Variants in DRC8 observed in about 807,000 individuals in gnomAD.
DRC8 encodes dynein regulatory complex subunit 8.
At chr1:245,046,031 G>A in the DRC8 span, among the ~76,000 whole-genome samples, 26 of 152,212 alleles carry the variant, frequency 1.7e-4, no homozygotes, top group African/African-American at 5.8e-4. Context: ...AGACCCTATT[G>A]CCCTGCCTCA....
chr1:245,050,718 A>T, the DRC8 span, among the ~76,000 whole-genome samples: 402 of 152,054 alleles, frequency 2.6e-3, 1 homozygote, highest in African/African-American at 9.2e-3. Context: ...ATATTCCTCC[A>T]CGGTGTACTC....
At chr1:245,005,263 A>G in the DRC8 span, among the ~76,000 whole-genome samples, 5 of 151,322 alleles carry the variant, frequency 3.3e-5, no homozygotes, top group Non-Finnish European at 7.4e-5. Context: ...TTTTTAAATC[A>G]TGTTAATACT....
At chr1:245,014,637 G>A in the DRC8 span, among the ~76,000 whole-genome samples, 1 of 151,980 alleles carries the variant, frequency 6.6e-6, no homozygotes, top group African/African-American at 2.4e-5. Context: ...AGTACTAACA[G>A]GTGGGATGGG....
the DRC8 span, chr1:244,970,333 G>C: frequency 5.4e-6 from 8 of 1,493,502 alleles, no homozygotes; most frequent in African/African-American, 7.3e-5. Flanking sequence ...CTCCAGGCCA[G>C]GCTCGCCGCG....
At chr1:245,104,552 G>C in the DRC8 span, among the ~76,000 whole-genome samples, 1 of 150,864 alleles carries the variant, frequency 6.6e-6, no homozygotes, top group African/African-American at 2.4e-5. Context: ...ATGGACCCCC[G>C]TGTATTTATT....
the DRC8 span, among the ~76,000 whole-genome samples, chr1:245,069,129 C>A: frequency 1.3e-5 from 2 of 152,142 alleles, no homozygotes; most frequent in Admixed American, 6.6e-5. Context: ...AAGGCACCGA[C>A]CCCCGTGCAG....
At chr1:245,049,701 G>A in the DRC8 span, among the ~76,000 whole-genome samples, 3 of 152,342 alleles carry the variant, frequency 2.0e-5, no homozygotes, top group East Asian at 3.9e-4. The surrounding 1 kb of genome is among the most constrained non-coding windows in gnomAD (Gnocchi z 4.5). Context: ...CAAAGCTCCC[G>A]TGGGGTGGAA....
At chr1:244,981,256 T>C in the DRC8 span, among the ~76,000 whole-genome samples, 3 of 149,240 alleles carry the variant, frequency 2.0e-5, no homozygotes, top group African/African-American at 7.5e-5. Flanking sequence ...GAACTCTGGG[T>C]AAAAATCAGT....
chr1:245,044,457 T>A, the DRC8 span, among the ~76,000 whole-genome samples: 1 of 152,172 alleles, frequency 6.6e-6, no homozygotes, highest in Non-Finnish European at 1.5e-5. Flanking sequence ...ACGATTTTAA[T>A]TTTATTTTAC....
chr1:245,047,974 C>CAA, the DRC8 span, among the ~76,000 whole-genome samples: 9 of 102,790 alleles, frequency 8.8e-5, no homozygotes, highest in African/African-American at 3.2e-4. Context: ...GACTCTGTCT[C>CAA]AAAAAAAAAA....
At chr1:245,066,377 A>G in the DRC8 span, among the ~76,000 whole-genome samples, 1 of 152,236 alleles carries the variant, frequency 6.6e-6, no homozygotes, top group African/African-American at 2.4e-5. Flanking sequence ...AGAGAGCATT[A>G]GTAAATGTTG....
chr1:245,044,325 C>T, the DRC8 span, among the ~76,000 whole-genome samples: 3 of 152,110 alleles, frequency 2.0e-5, no homozygotes, highest in Non-Finnish European at 2.9e-5. Context: ...GGATCCAAAT[C>T]AGGACTTTTT....
At chr1:245,084,717 A>T in the DRC8 span, among the ~76,000 whole-genome samples, 1 of 152,154 alleles carries the variant, frequency 6.6e-6, no homozygotes. Context: ...GTCCTGAATG[A>T]CTCAGAGTTG....
At chr1:244,999,072 A>C in the DRC8 span, among the ~76,000 whole-genome samples, 9 of 151,204 alleles carry the variant, frequency 6.0e-5, no homozygotes, top group East Asian at 1.7e-3. Context: ...AAAAAAAAAA[A>C]AAAAAAAAAA....
chr1:244,995,847 C>G, the DRC8 span, among the ~76,000 whole-genome samples: 3 of 152,234 alleles, frequency 2.0e-5, no homozygotes, highest in African/African-American at 7.2e-5. Flanking sequence ...CTCACTTTCC[C>G]TTAAGCTCTA....
the DRC8 span, among the ~76,000 whole-genome samples, chr1:245,046,599 G>C: frequency 6.6e-6 from 1 of 152,146 alleles, no homozygotes; most frequent in African/African-American, 2.4e-5. Flanking sequence ...AGGATCATTC[G>C]GTCATTTTTG....
chr1:245,082,373 T>A, the DRC8 span, among the ~76,000 whole-genome samples: 5 of 152,234 alleles, frequency 3.3e-5, no homozygotes, highest in Non-Finnish European at 5.9e-5. Flanking sequence ...AAGCAAAGCA[T>A]AATTAGAGGG....
chr1:245,089,815 G>A, the DRC8 span, among the ~76,000 whole-genome samples: 1 of 152,180 alleles, frequency 6.6e-6, no homozygotes. This position sits in a 1 kb window ranked among gnomAD's most constrained non-coding sequence, Gnocchi z 4.8. Flanking sequence ...AGGGCTGAGA[G>A]CCCACAGAGA....
chr1:245,064,691 T>G, the DRC8 span, among the ~76,000 whole-genome samples: 1 of 152,362 alleles, frequency 6.6e-6, no homozygotes, highest in African/African-American at 2.4e-5. Context: ...CAATGGATTT[T>G]TCTTCATTAA....
Sources: gnomAD v4.1 joint callset for allele counts (sites outside exome capture counted in the v4.1 genomes callset) on GRCh38, gnomAD v4.1.1 for gene constraint, Gnocchi (gnomAD v3.1) non-coding constraint, MANE v1.5 for transcripts, NCBI Gene and HGNC (gene_info 2026-07-23, HGNC 2026-07-21) for gene names.